Variants in GRK5 observed in about 807,000 individuals in gnomAD.
GRK5 encodes the protein G protein-coupled receptor kinase 5.
A neutral mutation model predicts 78.4 loss-of-function variants in GRK5; 40 were observed. The observed-to-expected ratio is 0.51, with a 90% CI of 0.40 to 0.66. The LOEUF is 0.66. Among genes scored for constraint, GRK5 ranks in the 30% least tolerant of loss-of-function variants. The probability of loss-of-function intolerance (pLI) is 0.00; values close to 1 mark genes in which losing one functional copy is unlikely to be tolerated. For synonymous variants in GRK5, 289 were observed against 296.8 expected (o/e 0.97, Z 0.27); for missense variants, 598 against 759.9 (o/e 0.79, Z 2.50).
intron 3 of GRK5, among the ~76,000 whole-genome samples, chr10:119,386,281 G>A (rs903433242): frequency 6.6e-6 from 1 of 152,176 alleles, no homozygotes; most frequent in Non-Finnish European, 1.5e-5. Context: ...GAAGCGTGAG[G>A]ACAAAAGATG....
intron 2 of GRK5, among the ~76,000 whole-genome samples, chr10:119,369,727 C>A (rs1442216871): frequency 2.6e-5 from 4 of 152,202 alleles, no homozygotes; most frequent in Non-Finnish European, 5.9e-5. Flanking sequence ...TGTCCCCAGG[C>A]TAGCACAAAA....
intron 1 of GRK5, among the ~76,000 whole-genome samples, chr10:119,245,844 C>T (rs541872446): frequency 2.2e-4 from 33 of 151,530 alleles, no homozygotes; most frequent in Non-Finnish European, 3.8e-4. Context: ...GATGAAACCC[C>T]GTCTCTACTA....
intron 2 of GRK5, among the ~76,000 whole-genome samples, chr10:119,349,540 C>T (rs1467735152): frequency 1.3e-5 from 2 of 152,198 alleles, no homozygotes; most frequent in African/African-American, 4.8e-5. Flanking sequence ...CCATGGGCAC[C>T]AGCCAAGACC....
At chr10:119,388,586 C>T (rs1477592758) in intron 3 of GRK5, among the ~76,000 whole-genome samples, 5 of 152,284 alleles carry the variant, frequency 3.3e-5, no homozygotes, top group Non-Finnish European at 5.9e-5. Context: ...ATCTGCCTGT[C>T]TTGGCTTCCC....
In GRK5 at chr10:119,378,995, G is replaced by T. The variant is rs960440230; in HGVS notation, c.149-1820G>T. On this transcript the variant is annotated intron_variant, in intron 2 of 15. Coordinates refer to ENST00000392870, the MANE Select transcript of GRK5 (RefSeq NM_005308.3). The surrounding 1 kb of genome is among the most constrained non-coding windows in gnomAD (Gnocchi z 4.5). ...AGAGGCCTTTTGATTGGCTGTGACT[G>T]AGTCACGTGCCTGTCTCCGTAGCAT... 2.6e-5 allele frequency among the ~76,000 whole-genome samples: 4 copies of T among 152,194 alleles called. No individual in the cohort carries two copies. Among genetic ancestry groups the T allele is most frequent in the African/African-American group, 9.7e-5 (4 of 41,446 alleles).
At position 119,317,670 on chromosome 10, in the gene GRK5, G is replaced by A. The variant is rs147811023; in HGVS notation, c.53-8846G>A. Reference sequence around the variant, plus strand: ...ATGCCTGACTCAAGTCAGGCAGGACGCAGCGACCTTGTCAGAGTCAGAGCC... The same window carrying A: ...ATGCCTGACTCAAGTCAGGCAGGACACAGCGACCTTGTCAGAGTCAGAGCC... On this transcript the variant is annotated intron_variant, in intron 1 of 15. Coordinates refer to ENST00000392870, the MANE Select transcript of GRK5 (RefSeq NM_005308.3). 1.0e-3 allele frequency among the ~76,000 whole-genome samples: 158 copies of A among 152,258 alleles called. 1 individual carries two copies. The highest frequency in any genetic ancestry group is 3.6e-3 in the African/African-American group (150 of 41,554).
intron 4 of GRK5, among the ~76,000 whole-genome samples, chr10:119,419,760 A>G (rs1852532473): frequency 6.6e-6 from 1 of 152,212 alleles, no homozygotes; most frequent in Non-Finnish European, 1.5e-5. Context: ...GCCTGCAGGT[A>G]GGAGGGTCAA....
intron 1 of GRK5, among the ~76,000 whole-genome samples, chr10:119,277,342 G>A (rs1332642964): frequency 6.6e-6 from 1 of 152,126 alleles, no homozygotes; most frequent in Admixed American, 6.5e-5. Context: ...GACGCGAAGG[G>A]GTTTCCTGAT....
At chr10:119,244,902 G>C (rs1849080790) in intron 1 of GRK5, among the ~76,000 whole-genome samples, 1 of 152,182 alleles carries the variant, frequency 6.6e-6, no homozygotes, top group African/African-American at 2.4e-5. Context: ...CAGCTACTAT[G>C]GAAAATAGTA....
intron 2 of GRK5, among the ~76,000 whole-genome samples, chr10:119,329,407 G>C (rs570192289): frequency 6.6e-6 from 1 of 152,134 alleles, no homozygotes; most frequent in Admixed American, 6.5e-5. Flanking sequence ...TGGGGACCTC[G>C]AGCCATGAGG....
intron 2 of GRK5, among the ~76,000 whole-genome samples, chr10:119,343,053 G>A (rs1299396155): frequency 6.6e-6 from 1 of 152,192 alleles, no homozygotes; most frequent in East Asian, 1.9e-4. Flanking sequence ...TGGGGCTGGG[G>A]GAGGGATGTG....
At chr10:119,418,739 C>G (rs1215071362) in intron 4 of GRK5, among the ~76,000 whole-genome samples, 1 of 152,216 alleles carries the variant, frequency 6.6e-6, no homozygotes, top group East Asian at 1.9e-4. Flanking sequence ...CCCAAATTCA[C>G]TGTTGTGTTA....
intron 2 of GRK5, among the ~76,000 whole-genome samples, chr10:119,351,788 G>A (rs1851188912): frequency 6.6e-6 from 1 of 152,218 alleles, no homozygotes; most frequent in Non-Finnish European, 1.5e-5. Context: ...GGGAACCCTG[G>A]ATAATGGTAG....
At chr10:119,358,197 G>T (rs923228937) in intron 2 of GRK5, among the ~76,000 whole-genome samples, 1 of 152,206 alleles carries the variant, frequency 6.6e-6, no homozygotes, top group African/African-American at 2.4e-5. Flanking sequence ...GTGAGGGCAA[G>T]GGTGGCAGTG....
chr10:119,266,085 C>T (rs1464170405), intron 1 of GRK5, among the ~76,000 whole-genome samples: 1 of 152,164 alleles, frequency 6.6e-6, no homozygotes, highest in Non-Finnish European at 1.5e-5. Flanking sequence ...TGAGGTTGTG[C>T]CCATTGTCTT....
In GRK5 at chr10:119,445,961, G is replaced by C. The variant is rs771830744; in HGVS notation, c.1267-2162G>C. 6.6e-6 allele frequency among the ~76,000 whole-genome samples: 1 copy of C among 151,848 alleles called. No homozygotes were observed. Among genetic ancestry groups the C allele is most frequent in the Non-Finnish European group, 1.5e-5 (1 of 67,986 alleles). On this transcript the variant is annotated intron_variant, in intron 12 of 15. Coordinates refer to ENST00000392870, the MANE Select transcript of GRK5 (RefSeq NM_005308.3). The surrounding 1 kb of genome is among the most constrained non-coding windows in gnomAD (Gnocchi z 4.1). Reference sequence around the variant, plus strand: ...AGAAATTCACACATCTCACCACTTTGTCTCCTGAGCCCAGTCCATGGGCCC... The same window carrying C: ...AGAAATTCACACATCTCACCACTTTCTCTCCTGAGCCCAGTCCATGGGCCC...
chr10:119,432,578 G>T (rs946491792), intron 8 of GRK5, among the ~76,000 whole-genome samples: 13 of 152,214 alleles, frequency 8.5e-5, no homozygotes, highest in Non-Finnish European at 7.3e-5. Flanking sequence ...TTTTATTCAT[G>T]CACAGGCTTT....
At chr10:119,244,083 A>G (rs1477500355) in intron 1 of GRK5, among the ~76,000 whole-genome samples, 1 of 152,234 alleles carries the variant, frequency 6.6e-6, no homozygotes, top group African/African-American at 2.4e-5. Flanking sequence ...CTTATGAGCC[A>G]TATGGCTTCT....
intron 2 of GRK5, among the ~76,000 whole-genome samples, chr10:119,346,277 G>A (rs997915961): frequency 2.6e-5 from 4 of 152,184 alleles, no homozygotes; most frequent in Admixed American, 1.3e-4. Context: ...GAGGTCCCCC[G>A]GAGCATGCCC....
Sources: gnomAD v4.1 joint callset for allele counts (sites outside exome capture counted in the v4.1 genomes callset) on GRCh38, gnomAD v4.1.1 for gene constraint, Gnocchi (gnomAD v3.1) non-coding constraint, MANE v1.5 for transcripts, NCBI Gene and HGNC (gene_info 2026-07-23, HGNC 2026-07-21) for gene names.